The following NBAS variants were observed in gnomAD, a reference collection of about 807,000 sequenced individuals.
NBAS encodes NAG/BC035112 fusion.
Under a neutral mutation model 302.5 loss-of-function variants are expected in NBAS, and 219 were observed. The ratio of observed to expected loss-of-function variants is 0.72; its 90% CI spans 0.65 to 0.81. NBAS has a LOEUF of 0.81. Among genes scored for constraint, NBAS ranks in the 30% least tolerant of loss-of-function variants. The probability of loss-of-function intolerance (pLI) is 0.00; values close to 1 mark genes in which losing one functional copy is unlikely to be tolerated. For missense variants in NBAS, 2,932 were observed against 2,841.6 expected, an observed-to-expected ratio of 1.03 and a Z score of -0.72; for synonymous variants, 1,118 against 1,021.6, an observed-to-expected ratio of 1.09 and a Z score of -1.80.
At chr2:15,423,903 G>A (rs1012940223) in intron 23 of NBAS, among the ~76,000 whole-genome samples, 1 of 152,148 alleles carries the variant, frequency 6.6e-6, no homozygotes, top group Non-Finnish European at 1.5e-5. Context: ...ATGAACTTCA[G>A]GAAAACATTA....
chr2:14,840,090 A>G, the NBAS span, among the ~76,000 whole-genome samples: 1 of 152,028 alleles, frequency 6.6e-6, no homozygotes, highest in African/African-American at 2.4e-5. Context: ...ATTGAAATAA[A>G]TTTTTAAAAA....
intron 30 of NBAS, 49 bp from the exon 31 acceptor site, chr2:15,374,769 T>C: frequency 8.4e-6 from 12 of 1,436,648 alleles, no homozygotes; most frequent in Non-Finnish European, 1.2e-5. Flanking sequence ...TATGTTCACC[T>C]TTCTATACTC....
chr2:15,240,737 G>C lies in NBAS; in HGVS notation c.5725-2051C>G, dbSNP rs533351173. ...AAATTGGAAATGCACTGCAAATGCA[G>C]CTTTCAAACAAGTTCCGTAGTCCCC... is the stretch of plus-strand genomic sequence containing the variant. On this transcript the variant is annotated intron_variant, in intron 44 of 51. Transcript: ENST00000281513. Among the ~76,000 whole-genome samples the C allele has an allele frequency of 6.7e-4, 102 of 152,298 alleles. 1 individual carries two copies. Among genetic ancestry groups the C allele is most frequent in the Admixed American group, 1.1e-3 (17 of 15,304 alleles).
chr2:15,243,550 G>A (rs1261725644), intron 44 of NBAS, among the ~76,000 whole-genome samples: 2 of 151,458 alleles, frequency 1.3e-5, no homozygotes, highest in Non-Finnish European at 2.9e-5. Flanking sequence ...GGCAATATGT[G>A]GCTTTGGTTT....
chr2:15,166,408 C>T (rs1240259324), downstream of NBAS, among the ~76,000 whole-genome samples: 1 of 152,192 alleles, frequency 6.6e-6, no homozygotes, highest in Non-Finnish European at 1.5e-5. Context: ...TCCTGATCAT[C>T]TGGCTATGCC....
At chr2:15,343,402 T>A (rs1672947494) in intron 35 of NBAS, among the ~76,000 whole-genome samples, 2 of 152,050 alleles carry the variant, frequency 1.3e-5, no homozygotes, top group Non-Finnish European at 2.9e-5. Context: ...CAAAATTAGC[T>A]TGCAAACCAA....
the NBAS span, among the ~76,000 whole-genome samples, chr2:15,140,810 T>G: frequency 6.6e-6 from 1 of 152,172 alleles, no homozygotes; most frequent in Non-Finnish European, 1.5e-5. Context: ...TGAAATACAT[T>G]TAATATTATA....
At chr2:15,384,797 G>A (rs1389373058) in intron 28 of NBAS, among the ~76,000 whole-genome samples, 1 of 152,056 alleles carries the variant, frequency 6.6e-6, no homozygotes, top group Non-Finnish European at 1.5e-5. Context: ...GCAGGTTTTT[G>A]TTTTAAATTG....
At chr2:15,067,434 G>A in the NBAS span, among the ~76,000 whole-genome samples, 2 of 53,946 alleles carry the variant, frequency 3.7e-5, no homozygotes, top group African/African-American at 8.0e-5. Flanking sequence ...GGAGAGGAGG[G>A]GAGAGGAGGG....
At chr2:15,230,572 C>G (rs939282819) in intron 47 of NBAS, among the ~76,000 whole-genome samples, 5 of 152,062 alleles carry the variant, frequency 3.3e-5, no homozygotes, top group Admixed American at 3.3e-4. Flanking sequence ...CTTCTGTAAA[C>G]GTGGCTAGAA....
chr2:15,013,897 A>G, the NBAS span, among the ~76,000 whole-genome samples: 47 of 152,100 alleles, frequency 3.1e-4, no homozygotes, highest in African/African-American at 1.0e-3. Flanking sequence ...CCTGTGAAGC[A>G]GCACATCACA....
the NBAS span, among the ~76,000 whole-genome samples, chr2:15,125,327 A>T: frequency 6.6e-6 from 1 of 152,228 alleles, no homozygotes; most frequent in South Asian, 2.1e-4. Flanking sequence ...TCATGGCAGA[A>T]GATGAAGCAG....
At chr2:15,427,848 G>C in intron 21 of NBAS, 54 bp from the exon 22 acceptor site, 1 of 1,347,592 alleles carries the variant, frequency 7.4e-7, no homozygotes, top group Non-Finnish European at 1.0e-6. Flanking sequence ...CAATGACTTA[G>C]CCACACAAGG....
chr2:15,096,533 AG>A, the NBAS span, among the ~76,000 whole-genome samples: 21 of 152,350 alleles, frequency 1.4e-4, no homozygotes, highest in South Asian at 4.1e-3. Context: ...GTCCTTCATT[AG>A]ATGAGCCCTT....
At chr2:15,550,461 T>C (rs1402758422) in intron 6 of NBAS, among the ~76,000 whole-genome samples, 1 of 152,170 alleles carries the variant, frequency 6.6e-6, no homozygotes, top group Non-Finnish European at 1.5e-5. Flanking sequence ...CCTACAACAA[T>C]TACACTGTTA....
chr2:15,321,528 A>C (rs545076296), intron 38 of NBAS, among the ~76,000 whole-genome samples: 5 of 152,274 alleles, frequency 3.3e-5, no homozygotes, highest in African/African-American at 1.2e-4. Flanking sequence ...GAATCTACAA[A>C]GAACTGAAAC....
intron 35 of NBAS, among the ~76,000 whole-genome samples, chr2:15,349,641 T>C (rs562850507): frequency 1.0e-3 from 159 of 152,258 alleles, no homozygotes; most frequent in African/African-American, 3.7e-3. Context: ...GTTATTTAAA[T>C]TTAAATTAAA....
chr2:14,840,818 A>G, the NBAS span, among the ~76,000 whole-genome samples: 2 of 152,080 alleles, frequency 1.3e-5, no homozygotes, highest in African/African-American at 4.8e-5. Flanking sequence ...AACATGCAAA[A>G]AGAAAAATAT....
At chr2:15,525,304 A>T (rs1662866493) in intron 9 of NBAS, among the ~76,000 whole-genome samples, 1 of 152,152 alleles carries the variant, frequency 6.6e-6, no homozygotes, top group Non-Finnish European at 1.5e-5. Context: ...AATGCTACAC[A>T]GTAGTCTATA....
Sources: gnomAD v4.1 joint callset for allele counts (sites outside exome capture counted in the v4.1 genomes callset) on GRCh38, gnomAD v4.1.1 for gene constraint, MANE v1.5 for transcripts, NCBI Gene and HGNC (gene_info 2026-07-23, HGNC 2026-07-21) for gene names.